OR6P1: variants seen among roughly 807,000 people sequenced by gnomAD.
OR6P1 encodes the protein olfactory receptor 6P1.
Under a neutral mutation model 6.6 loss-of-function variants are expected in OR6P1, and 5 were observed. The observed-to-expected ratio is 0.76, with a 90% confidence interval of 0.40 to 1.60. The LOEUF is 1.60. Among genes scored for constraint, OR6P1 ranks in the 40% most tolerant of loss-of-function variants. OR6P1 has a pLI of 0.02. For missense variants in OR6P1, 451 were observed against 383.0 expected, an observed-to-expected ratio of 1.18 and a Z score of -1.48; for synonymous variants, 177 against 149.6, an observed-to-expected ratio of 1.18 and a Z score of -1.33.
chr1:158,562,855 G>A lies in OR6P1; in HGVS notation c.750C>T (p.Ile250=), dbSNP rs530082510. The A allele has an allele frequency of 3.2e-6, 5 of 1,552,032 alleles. No individual in the cohort carries two copies. Among genetic ancestry groups the A allele is most frequent in the Non-Finnish European group, 4.4e-6 (5 of 1,147,084 alleles). Residue 250 remains isoleucine (I), a synonymous_variant, in exon 3 of 3, where the codon ATC becomes ATT. Transcript: ENST00000641540. ...AGGTGAAGAGAGTGGAGGAGTAGTAGATAACAACCACTGCCAGATGAGCGG... is the reference window on the plus strand; with the variant it reads ...AGGTGAAGAGAGTGGAGGAGTAGTAAATAACAACCACTGCCAGATGAGCGG... ...TCAAHLAVVV[I]YYSSTLFTYA...
At chr1:158,563,722 G>T in intron 2 of OR6P1, 96 bp from the exon 3 acceptor site, 1 of 633,684 alleles carries the variant, frequency 1.6e-6, no homozygotes, top group African/African-American at 1.9e-5. Flanking sequence ...AGAGCTTAGT[G>T]GCATATTAAT....
rs539730699 is a variant in OR6P1 at position 158,563,366 on chromosome 1, C to T, written c.239G>A (p.Arg80Gln). The T allele has an allele frequency of 5.2e-6, 8 of 1,551,298 alleles. No homozygotes were observed. The highest frequency in any genetic ancestry group is 2.4e-5 in the East Asian group (1 of 40,898). Reference protein sequence around the residue: ...ELWYINVTIPRLLAAFLTQDG... With the variant: ...ELWYINVTIPQLLAAFLTQDG... ...CTGGGTAAGAAAGGCTGCCAAGAGCCGAGGAATGGTGACATTGATGTACCA... is the reference window on the plus strand; with the variant it reads ...CTGGGTAAGAAAGGCTGCCAAGAGCTGAGGAATGGTGACATTGATGTACCA... Residue 80 changes from arginine (R) to glutamine (Q), a missense_variant, in exon 3 of 3, where the codon CGG (arginine) becomes CAG (glutamine). Arg to Gln is a conservative substitution (Grantham distance 43). Coordinates refer to ENST00000641540, the MANE Select transcript of OR6P1 (RefSeq NM_001160325.2).
At chr1:158,563,777 C>T (rs1648031140) in intron 2 of OR6P1, among the ~76,000 whole-genome samples, 151 bp from the exon 3 acceptor site, 2 of 152,094 alleles carry the variant, frequency 1.3e-5, no homozygotes, top group Admixed American at 1.3e-4. Flanking sequence ...TTTCTCTCAC[C>T]TTATAGGAAA....
Position 158,563,492 on chromosome 1 carries a change from G to A in OR6P1, c.113C>T (p.Thr38Ile), listed in dbSNP as rs760545569. The change falls in exon 3 of 3, where the codon ACA becomes ATA. Residue 38 changes from threonine (T) to isoleucine (I), a missense_variant. Coordinates refer to ENST00000641540, the MANE Select transcript of OR6P1 (RefSeq NM_001160325.2). ...GACAATAAGTGCATTCTCCAACAAT[G>A]TCAGAAGGTAAATTGCAAAAAAAAG... ...FVLFFAIYLL[T>I]LLENALIVFT... 3.9e-6 allele frequency: 6 copies of A among 1,551,258 alleles called. No homozygotes were observed. The highest frequency in any genetic ancestry group is 3.6e-5 in the South Asian group (3 of 83,988).
chr1:158,570,054 C>T (rs927398544), intron 1 of OR6P1, among the ~76,000 whole-genome samples: 1 of 152,138 alleles, frequency 6.6e-6, no homozygotes, highest in African/African-American at 2.4e-5. Flanking sequence ...TGCCTTAGGG[C>T]AAGGGAAGTG....
At chr1:158,566,904 G>T (rs1648109893) in intron 1 of OR6P1, 46 bp from the exon 2 acceptor site, 1 of 151,896 alleles carries the variant, frequency 6.6e-6, no homozygotes, top group African/African-American at 2.4e-5. Context: ...TCTGACAAAG[G>T]GCTAATATCC....
rs939271641 is a variant in OR6P1 at position 158,562,720 on chromosome 1, C to T, written c.885G>A (p.Lys295=). The T allele has an allele frequency of 3.2e-6, 5 of 1,561,716 alleles. No homozygotes were observed. In the African/African-American group the frequency reaches 5.4e-5, roughly 17 times the overall value. ...FNPAIYCLRN[K]EVKEAFRKTV... ...TCTTCCTGAAGGCCTCCTTCACCTC[C>T]TTGTTCCTCAGGCAGTAGATGGCTG... The change falls in exon 3 of 3, where the codon AAG becomes AAA. Residue 295 remains lysine, a synonymous_variant. Transcript: ENST00000641540.
chr1:158,562,566 A>G lies in OR6P1; in HGVS notation c.*85T>C. 1 of 742,078 alleles carries G rather than the reference A, an allele frequency of 1.3e-6. No individual in the cohort carries two copies. Among genetic ancestry groups the G allele is most frequent in the Non-Finnish European group, 2.3e-6 (1 of 437,738 alleles). 46.0% of individuals were successfully genotyped at this position (742,078 alleles called of 1,614,324 possible). On this transcript the variant is annotated 3_prime_UTR_variant, in exon 3 of 3. Coordinates refer to ENST00000641540, the MANE Select transcript of OR6P1 (RefSeq NM_001160325.2). ...GAGAAAATGTTGGCAAATTATATTT[A>G]TGTTCCCTTAAAGCCTATTCTGATT...
intron 2 of OR6P1, among the ~76,000 whole-genome samples, chr1:158,566,342 C>T (rs746722990): frequency 4.6e-5 from 7 of 151,984 alleles, no homozygotes; most frequent in Non-Finnish European, 8.8e-5. Flanking sequence ...AGATACTTTT[C>T]GGAGTGAGAG....
intron 1 of OR6P1, among the ~76,000 whole-genome samples, chr1:158,568,180 C>T (rs1052136561): frequency 6.6e-6 from 1 of 152,156 alleles, no homozygotes; most frequent in African/African-American, 2.4e-5. Context: ...GTCTGCCCTC[C>T]CTGTTTGAAG....
chr1:158,567,755 GC>G (rs1400833742), intron 1 of OR6P1, among the ~76,000 whole-genome samples: 1 of 149,726 alleles, frequency 6.7e-6, no homozygotes, highest in African/African-American at 2.5e-5. Context: ...TAACTAACCT[GC>G]ACAATGTGCA....
intron 1 of OR6P1, among the ~76,000 whole-genome samples, chr1:158,570,013 G>A (rs1028367303): frequency 3.3e-5 from 5 of 152,068 alleles, no homozygotes; most frequent in Admixed American, 6.6e-5. Flanking sequence ...CGTAGATATA[G>A]ACTTAATATG....
intron 2 of OR6P1, among the ~76,000 whole-genome samples, chr1:158,565,042 T>C (rs1648063224): frequency 6.6e-6 from 1 of 152,192 alleles, no homozygotes; most frequent in Admixed American, 6.6e-5. Flanking sequence ...ATTTGCATAG[T>C]TTTAACTTGA....
Position 158,563,524 on chromosome 1 carries a change from G to A in OR6P1, c.81C>T (p.Leu27=). The change falls in exon 3 of 3, where the codon CTC becomes CTT. Residue 27 remains leucine, a synonymous_variant. Coordinates refer to ENST00000641540, the MANE Select transcript of OR6P1 (RefSeq NM_001160325.2). The part of the protein sequence containing the change: ...FPTTPPLQLL[L]FVLFFAIYLL... ...GGTAAATTGCAAAAAAAAGGACAAA[G>A]AGGAGCAGCTGGAGGGGAGGCGTGG... 1.3e-6 allele frequency: 2 copies of A among 1,551,424 alleles called. No homozygotes were observed. Among genetic ancestry groups the A allele is most frequent in the Non-Finnish European group, 1.7e-6 (2 of 1,146,912 alleles).
Position 158,561,875 on chromosome 1 carries a change from A to G in OR6P1, c.*776T>C, listed in dbSNP as rs1162965795. 1.3e-5 allele frequency: 2 copies of G among 152,194 alleles called. No individual in the cohort carries two copies. The highest frequency in any genetic ancestry group is 3.9e-4 in the East Asian group (2 of 5,190). 9.4% of individuals were successfully genotyped at this position (152,194 alleles called of 1,614,324 possible). A position where few individuals can be genotyped will look rare whatever the true frequency, so the allele number is the denominator to read the frequency against. ...ATAGCCCTGGCACTAATTACTTAAA[A>G]CAGGTGCTGGCCATAGCGAAGGAGA... On this transcript the variant is annotated 3_prime_UTR_variant, in exon 3 of 3. Transcript: ENST00000641540.
chr1:158,568,036 T>C (rs1239702045), intron 1 of OR6P1, among the ~76,000 whole-genome samples: 1 of 152,114 alleles, frequency 6.6e-6, no homozygotes, highest in Non-Finnish European at 1.5e-5. Flanking sequence ...TCAAGCTCAG[T>C]TGCTGAAAAC....
chr1:158,569,642 C>T (rs1218500258), intron 1 of OR6P1, among the ~76,000 whole-genome samples: 1 of 152,196 alleles, frequency 6.6e-6, no homozygotes, highest in African/African-American at 2.4e-5. Context: ...ATTCATTACT[C>T]TGTGCAGGGT....
chr1:158,569,693 C>A (rs1648192018), intron 1 of OR6P1, among the ~76,000 whole-genome samples: 1 of 152,126 alleles, frequency 6.6e-6, no homozygotes, highest in South Asian at 2.1e-4. Context: ...CTCACAACAG[C>A]CCAGTGAGTT....
At chr1:158,569,761 A>G (rs1648193330) in intron 1 of OR6P1, among the ~76,000 whole-genome samples, 1 of 152,168 alleles carries the variant, frequency 6.6e-6, no homozygotes, top group African/African-American at 2.4e-5. Flanking sequence ...TTTTTTCCTC[A>G]AGATCATACA....
Sources: gnomAD v4.1 joint callset for allele counts (sites outside exome capture counted in the v4.1 genomes callset) on GRCh38, gnomAD v4.1.1 for gene constraint, MANE v1.5 for transcripts, NCBI Gene and HGNC (gene_info 2026-07-23, HGNC 2026-07-21) for gene names.